The following DISP1 variants were observed in gnomAD, a reference collection of about 807,000 sequenced individuals.
DISP1 encodes protein dispatched homolog 1.
A neutral mutation model predicts 37.3 loss-of-function variants in DISP1; 30 were observed. The ratio of observed to expected loss-of-function variants is 0.80; its 90% CI spans 0.60 to 1.09. The LOEUF (loss-of-function observed/expected upper bound fraction) is 1.09, where lower values mean the gene tolerates loss of function less well. Among genes scored for constraint, DISP1 ranks in the 50% least tolerant of loss-of-function variants. The pLI is 0.00. For missense variants in DISP1, 1,598 were observed against 1,879.5 expected, an observed-to-expected ratio of 0.85 and a Z score of 2.77; for synonymous variants, 634 against 690.2, an observed-to-expected ratio of 0.92 and a Z score of 1.28.
At chr1:222,900,298 A>T (rs1057388038) in intron 1 of DISP1, among the ~76,000 whole-genome samples, 1 of 152,192 alleles carries the variant, frequency 6.6e-6, no homozygotes, top group Non-Finnish European at 1.5e-5. Flanking sequence ...AAATGAGGAT[A>T]ATCTTAGTAC....
intron 1 of DISP1, among the ~76,000 whole-genome samples, chr1:222,906,396 C>T (rs1558322358): frequency 6.6e-6 from 1 of 152,116 alleles, no homozygotes; most frequent in African/African-American, 2.4e-5. Context: ...AGAGCAACTC[C>T]ATCTTAAATA....
At position 222,843,574 on chromosome 1, in the gene DISP1, A is replaced by T. The variant is rs184881099; in HGVS notation, c.-159+28496A>T. 1.8e-3 allele frequency among the ~76,000 whole-genome samples: 280 copies of T among 151,676 alleles called. 2 individuals carry two copies. The highest frequency in any genetic ancestry group is 6.5e-3 in the African/African-American group (268 of 41,432). On this transcript the variant is annotated intron_variant, in intron 1 of 8. Coordinates refer to ENST00000675850, the MANE Select transcript of DISP1 (RefSeq NM_001377229.1). ...TCTCTAATGAAGGATGGGGGGGGGAAATTTCTTTTGAGCAGTGATAAAAAT... is the reference window on the plus strand; with the variant it reads ...TCTCTAATGAAGGATGGGGGGGGGATATTTCTTTTGAGCAGTGATAAAAAT...
chr1:222,931,415 G>A (rs1673387515), intron 2 of DISP1, among the ~76,000 whole-genome samples: 1 of 151,792 alleles, frequency 6.6e-6, no homozygotes, highest in African/African-American at 2.4e-5. Context: ...ATATGATCCT[G>A]TTTCTACTGG....
chr1:222,849,647 A>G (rs559204085), intron 1 of DISP1, among the ~76,000 whole-genome samples: 1 of 152,284 alleles, frequency 6.6e-6, no homozygotes, highest in African/African-American at 2.4e-5. Flanking sequence ...ATTAGCACAT[A>G]CTAGTAGACT....
intron 2 of DISP1, among the ~76,000 whole-genome samples, chr1:222,932,571 T>A (rs1179820851): frequency 6.6e-6 from 1 of 151,984 alleles, no homozygotes; most frequent in African/African-American, 2.4e-5. Flanking sequence ...TTATTTTGTA[T>A]ATTTTTGGTT....
At chr1:222,902,935 G>T (rs551279474) in intron 1 of DISP1, among the ~76,000 whole-genome samples, 3,889 of 151,622 alleles carry the variant, frequency 0.026, 195 homozygotes, top group African/African-American at 0.088. Flanking sequence ...ATTTGACCCA[G>T]CCATCCCATT....
Position 223,004,559 on chromosome 1 carries a change from C to T in DISP1, c.3162C>T (p.Val1054=), listed in dbSNP as rs2102805625. ...VAVGLSVDFA[V]HYGVAYRLAP... ...TCGGCTTGTCTGTAGACTTTGCCGTCCATTATGGGGTTGCCTACCGCTTGG... is the reference window on the plus strand; with the variant it reads ...TCGGCTTGTCTGTAGACTTTGCCGTTCATTATGGGGTTGCCTACCGCTTGG... Residue 1054 remains valine (V), a synonymous_variant, in exon 9 of 9, where the codon GTC becomes GTT. Transcript: ENST00000675850. This position sits in a 1 kb window ranked among gnomAD's most constrained non-coding sequence, Gnocchi z 4.9. 1 of 1,614,180 alleles carries T rather than the reference C, an allele frequency of 6.2e-7. No homozygotes were observed. Among genetic ancestry groups the T allele is most frequent in the Non-Finnish European group, 8.5e-7 (1 of 1,180,040 alleles).
chr1:222,899,498 T>C (rs1671461651), intron 1 of DISP1, among the ~76,000 whole-genome samples: 1 of 152,224 alleles, frequency 6.6e-6, no homozygotes. Context: ...TCCATTTTAA[T>C]TATGTCCTCA....
chr1:222,868,266 A>G (rs555657444), intron 1 of DISP1, among the ~76,000 whole-genome samples: 6 of 152,232 alleles, frequency 3.9e-5, no homozygotes, highest in African/African-American at 1.4e-4. Context: ...TTGAAGGCAT[A>G]GTGATGACAG....
intron 1 of DISP1, among the ~76,000 whole-genome samples, chr1:222,881,378 A>G (rs1386880909): frequency 6.6e-6 from 1 of 152,076 alleles, no homozygotes; most frequent in Non-Finnish European, 1.5e-5. Context: ...TATTTTTAGT[A>G]GAGACGGAGT....
chr1:222,956,780 G>C (rs912766928), intron 3 of DISP1, among the ~76,000 whole-genome samples: 5 of 151,928 alleles, frequency 3.3e-5, no homozygotes, highest in Non-Finnish European at 7.4e-5. Flanking sequence ...AGTTTAATAA[G>C]ATTTTTCTGG....
intron 1 of DISP1, among the ~76,000 whole-genome samples, chr1:222,847,684 T>A (rs1485906496): frequency 1.3e-5 from 2 of 152,102 alleles, no homozygotes; most frequent in Non-Finnish European, 2.9e-5. Flanking sequence ...TAAGTCAATA[T>A]ATTTTGCTCC....
At chr1:222,962,952 A>G (rs145758916) in intron 3 of DISP1, among the ~76,000 whole-genome samples, 30,741 of 152,116 alleles carry the variant, frequency 0.2, 3,379 homozygotes, top group South Asian at 0.24. Context: ...ACTAAAGAGC[A>G]TCTGCACAGC....
chr1:223,004,782 T>G lies in DISP1; in HGVS notation c.3385T>G (p.Cys1129Gly). The part of the protein sequence containing the change: ...SWAFATFFFQ[C>G]MCRCLGPQGT... The stretch of plus-strand genomic sequence containing the variant: ...GGCTTTCGCCACCTTCTTTTTCCAG[T>G]GCATGTGCCGGTGCCTTGGACCACA... Residue 1129 changes from cysteine (C) to glycine (G), a missense_variant, in exon 9 of 9, where the codon TGC becomes GGC. Physicochemically the swap from Cys to Gly is radical, Grantham distance 159. Transcript: ENST00000675850. The surrounding 1 kb of genome is among the most constrained non-coding windows in gnomAD (Gnocchi z 4.9). 6.2e-7 allele frequency: 1 copy of G among 1,613,110 alleles called. No individual in the cohort carries two copies. Among genetic ancestry groups the G allele is most frequent in the Non-Finnish European group, 8.5e-7 (1 of 1,180,032 alleles).
chr1:222,963,329 G>A (rs1306567619), intron 3 of DISP1, among the ~76,000 whole-genome samples: 8 of 152,216 alleles, frequency 5.3e-5, no homozygotes, highest in Non-Finnish European at 1.2e-4. Context: ...TGGTGGGAAT[G>A]TAAATTAGTT....
At chr1:222,993,817 C>G (rs761865058) in intron 7 of DISP1, among the ~76,000 whole-genome samples, 3 of 152,108 alleles carry the variant, frequency 2.0e-5, no homozygotes, top group Non-Finnish European at 4.4e-5. Flanking sequence ...GTAGATTCTG[C>G]CTTGACTAAA....
chr1:222,968,665 G>A (rs909537711), intron 3 of DISP1, among the ~76,000 whole-genome samples: 1 of 152,156 alleles, frequency 6.6e-6, no homozygotes, highest in Admixed American at 6.5e-5. Flanking sequence ...TGGGCATGGT[G>A]GCTCATGCCT....
At chr1:222,879,691 A>C (rs1438751014) in intron 1 of DISP1, among the ~76,000 whole-genome samples, 1 of 152,162 alleles carries the variant, frequency 6.6e-6, no homozygotes, top group Non-Finnish European at 1.5e-5. Context: ...GTAAATATCA[A>C]TTGTTAAAAA....
intron 3 of DISP1, among the ~76,000 whole-genome samples, chr1:222,969,307 T>C (rs1399743514): frequency 7.6e-6 from 1 of 131,196 alleles, no homozygotes; most frequent in African/African-American, 2.9e-5. Flanking sequence ...GAGGTAGAGG[T>C]TGCAGTGATC....
Sources: allele counts gnomAD v4.1 joint callset (sites outside exome capture counted in the v4.1 genomes callset), GRCh38; gene constraint gnomAD v4.1.1; non-coding constraint Gnocchi (gnomAD v3.1); transcripts MANE v1.5; gene names NCBI Gene and HGNC (gene_info 2026-07-23, HGNC 2026-07-21).